LIN54: variants seen among roughly 807,000 people sequenced by gnomAD.
LIN54 encodes the protein protein lin-54 homolog.
In LIN54, 9 loss-of-function variants were observed where a neutral mutation model predicts 78.7. That is an observed-to-expected ratio of 0.11 (90% CI 0.07 to 0.20). LIN54 has a LOEUF of 0.20. LIN54 is among the 10% of genes least tolerant of loss of function. LIN54 has a pLI of 1.00. For missense variants in LIN54, 573 were observed against 889.9 expected (o/e 0.64, Z 4.53); for synonymous variants, 269 against 318.4 (o/e 0.84, Z 1.65).
Position 82,986,142 on chromosome 4 carries a change from T to A in LIN54, c.-32-1266A>T, listed in dbSNP as rs1332496927. Among the ~76,000 whole-genome samples the A allele has an allele frequency of 2.0e-5, 3 of 152,046 alleles. No homozygotes were observed. In the East Asian group the frequency reaches 5.9e-4, roughly 30 times the overall value. On this transcript the variant is annotated intron_variant, in intron 1 of 12. Transcript: ENST00000340417. ...CTTCCTTTTCGTTTTTGAGACAGAG[T>A]CTCGCTCTTGTTACCCAGGCTGGAG...
At chr4:82,946,119 T>C (rs1723340607) in intron 5 of LIN54, 139 bp downstream of exon 5, 1 of 700,160 alleles carries the variant, frequency 1.4e-6, no homozygotes, top group Non-Finnish European at 2.6e-6. Flanking sequence ...ATCATTCTAT[T>C]TCACTGCCTT....
At chr4:82,959,640 C>T (rs911720470) in intron 4 of LIN54, among the ~76,000 whole-genome samples, 2 of 152,224 alleles carry the variant, frequency 1.3e-5, no homozygotes, top group African/African-American at 4.8e-5. Flanking sequence ...TACAAATATA[C>T]TACAACATTA....
chr4:82,963,544 TAAC>T (rs1724968642), intron 4 of LIN54, among the ~76,000 whole-genome samples: 1 of 152,178 alleles, frequency 6.6e-6, no homozygotes, highest in South Asian at 2.1e-4. Flanking sequence ...ATAAAATGTT[TAAC>T]AACAATAGCA....
intron 4 of LIN54, among the ~76,000 whole-genome samples, chr4:82,961,545 C>T (rs1013339068): frequency 4.6e-5 from 7 of 152,126 alleles, no homozygotes; most frequent in African/African-American, 1.7e-4. Flanking sequence ...GAGTTCTCCA[C>T]TGGGTAGGAG....
chr4:82,930,879 CT>C (rs1453999877), intron 12 of LIN54, 63 bp downstream of exon 12: 5 of 1,504,298 alleles, frequency 3.3e-6, no homozygotes, highest in South Asian at 1.2e-5. Flanking sequence ...ACTTTGCCCC[CT>C]GAAAAGAAAC....
intron 1 of LIN54, among the ~76,000 whole-genome samples, chr4:83,006,449 AAAAAAAAAAAAAAAG>A (rs1217836326): frequency 7.3e-6 from 1 of 137,072 alleles, no homozygotes; most frequent in Non-Finnish European, 1.6e-5. Context: ...ACTCCGTCTC[AAAAAAAAAAAAAAAG>A]AAAAAAAAAA....
chr4:82,987,629 T>G (rs1277844562), intron 1 of LIN54, among the ~76,000 whole-genome samples: 1 of 151,950 alleles, frequency 6.6e-6, no homozygotes, highest in Non-Finnish European at 1.5e-5. Context: ...GAACATGCAG[T>G]GTTTGGTTTT....
intron 3 of LIN54, among the ~76,000 whole-genome samples, chr4:82,971,080 G>A (rs1045515675): frequency 1.1e-4 from 17 of 152,082 alleles, no homozygotes; most frequent in Non-Finnish European, 1.9e-4. Flanking sequence ...CTGGATGCTT[G>A]GGGAACTGAA....
intron 4 of LIN54, among the ~76,000 whole-genome samples, chr4:82,962,364 T>C (rs1207086330): frequency 2.6e-5 from 4 of 152,206 alleles, no homozygotes; most frequent in African/African-American, 9.6e-5. Flanking sequence ...TGCACTAAGT[T>C]ACCTACTTTT....
intron 1 of LIN54, among the ~76,000 whole-genome samples, chr4:82,998,037 T>C (rs4693539): frequency 1.7e-4 from 8 of 47,604 alleles, no homozygotes; most frequent in African/African-American, 2.0e-4. Context: ...TATATATATA[T>C]ACACACACGT....
chr4:82,955,543 G>A (rs1325367954), intron 4 of LIN54, among the ~76,000 whole-genome samples: 1 of 152,046 alleles, frequency 6.6e-6, no homozygotes, highest in Non-Finnish European at 1.5e-5. Flanking sequence ...TATAAAGACA[G>A]ACATATAGAA....
At chr4:82,993,483 G>A (rs1210222233) in intron 1 of LIN54, among the ~76,000 whole-genome samples, 1 of 152,138 alleles carries the variant, frequency 6.6e-6, no homozygotes, top group East Asian at 1.9e-4. Context: ...CTCCCAAAGT[G>A]CTGGGATCAC....
chr4:82,985,820 C>T (rs1369082307), intron 1 of LIN54, among the ~76,000 whole-genome samples: 2 of 152,210 alleles, frequency 1.3e-5, no homozygotes, highest in Middle Eastern at 3.4e-3. Context: ...GGATTACAGG[C>T]GTGAGCCACC....
chr4:82,990,139 G>A (rs988678397), intron 1 of LIN54, among the ~76,000 whole-genome samples: 1 of 152,176 alleles, frequency 6.6e-6, no homozygotes, highest in Non-Finnish European at 1.5e-5. Context: ...CCTAGCCCAA[G>A]AGGCCCTCAT....
intron 1 of LIN54, among the ~76,000 whole-genome samples, chr4:83,004,575 G>A (rs1578669168): frequency 6.6e-6 from 1 of 151,882 alleles, no homozygotes; most frequent in South Asian, 2.1e-4. Context: ...CTGCAGCCTC[G>A]GACACCTGGG....
At chr4:82,990,537 G>A (rs971300033) in intron 1 of LIN54, among the ~76,000 whole-genome samples, 2 of 151,738 alleles carry the variant, frequency 1.3e-5, no homozygotes, top group African/African-American at 2.4e-5. Context: ...AGGTTGGAGT[G>A]CAGTGGCGCG....
At chr4:82,946,857 T>C (rs1298499774) in intron 4 of LIN54, among the ~76,000 whole-genome samples, 1 of 152,142 alleles carries the variant, frequency 6.6e-6, no homozygotes. Flanking sequence ...ATGATATAGA[T>C]GGTTGGCATT....
chr4:82,928,020 AT>A lies in LIN54; in HGVS notation c.*81del, dbSNP rs1721624179. 8.8e-7 allele frequency: 1 copy of A among 1,141,094 alleles called. No individual in the cohort carries two copies. The highest frequency in any genetic ancestry group is 1.8e-5 in the Admixed American group (1 of 54,832). The allele number at this position is 1,141,094 out of a possible 1,614,324, so 70.7% of individuals were successfully genotyped here. On this transcript the variant is annotated 3_prime_UTR_variant, in exon 13 of 13. Transcript: ENST00000340417. The stretch of plus-strand genomic sequence containing the variant: ...ACAAGGACTGAATTAAAATACAGTA[AT>A]TGTTTTTCTTCCAGAAAATCAAGTG...
At chr4:82,988,699 A>C (rs1343247070) in intron 1 of LIN54, among the ~76,000 whole-genome samples, 1 of 152,154 alleles carries the variant, frequency 6.6e-6, no homozygotes, top group East Asian at 1.9e-4. Flanking sequence ...GCACAGCCTC[A>C]CCAACAATTG....
Sources: gnomAD v4.1 joint callset for allele counts (sites outside exome capture counted in the v4.1 genomes callset) on GRCh38, gnomAD v4.1.1 for gene constraint, MANE v1.5 for transcripts, NCBI Gene and HGNC (gene_info 2026-07-23, HGNC 2026-07-21) for gene names.